The following ITPR1 variants were observed in gnomAD, a reference collection of about 807,000 sequenced individuals.
The protein encoded by ITPR1 is inositol 1,4,5-trisphosphate receptor type 1.
In ITPR1, 96 loss-of-function variants were observed where a neutral mutation model predicts 318.4. That is an observed-to-expected ratio of 0.30 (90% CI 0.26 to 0.36). The LOEUF is 0.36. Among genes scored for constraint, ITPR1 ranks in the 10% least tolerant of loss-of-function variants. The pLI is 1.00. For missense variants in ITPR1, 2,440 were observed against 3,460.2 expected (o/e 0.71, Z 7.40); for synonymous variants, 1,312 against 1,289.9 (o/e 1.02, Z -0.37).
chr3:4,831,464 G>A, intron 60 of ITPR1: 1 of 166,278 alleles, frequency 6.0e-6, no homozygotes, highest in Admixed American at 5.8e-5. Flanking sequence ...AGCAAGGAGT[G>A]AGTGAAGCAA....
chr3:4,563,218 A>G (rs1287766213), intron 4 of ITPR1, among the ~76,000 whole-genome samples: 2 of 152,134 alleles, frequency 1.3e-5, no homozygotes, highest in Non-Finnish European at 2.9e-5. Flanking sequence ...AAGACCATGT[A>G]AAAATTAATT....
At chr3:4,709,555 G>C (rs927359159) in intron 37 of ITPR1, among the ~76,000 whole-genome samples, 2 of 152,196 alleles carry the variant, frequency 1.3e-5, no homozygotes, top group African/African-American at 4.8e-5. Flanking sequence ...CAGGTTCTGA[G>C]TCACCAAACC....
intron 44 of ITPR1, among the ~76,000 whole-genome samples, chr3:4,754,961 C>G (rs951137813): frequency 1.3e-5 from 2 of 152,194 alleles, no homozygotes; most frequent in Non-Finnish European, 2.9e-5. Context: ...ACAAAAGATA[C>G]TGGCCTTTGG....
chr3:4,583,504 C>T (rs969555203), intron 4 of ITPR1, among the ~76,000 whole-genome samples: 3 of 152,096 alleles, frequency 2.0e-5, no homozygotes, highest in Non-Finnish European at 4.4e-5. Context: ...AATGTTTTTC[C>T]GTTTGTAGTT....
intron 40 of ITPR1, among the ~76,000 whole-genome samples, chr3:4,723,869 T>TA (rs1413540316): frequency 6.6e-6 from 1 of 152,162 alleles, no homozygotes; most frequent in Non-Finnish European, 1.5e-5. Context: ...CTGTCTGCTC[T>TA]AAAATGCATG....
Position 4,779,623 on chromosome 3 carries a change from A to G in ITPR1, c.6365A>G (p.Tyr2122Cys), listed in dbSNP as rs770000741. Reference protein sequence around the residue: ...HDSENAERILYNMRPKELVEV... With the variant: ...HDSENAERILCNMRPKELVEV... ...AGTGAAAACGCAGAGAGGATACTTT[A>G]TAACATGAGGCCCAAGGAACTGGTG... The change falls in exon 49 of 62, where the codon TAT becomes TGT. Residue 2122 changes from tyrosine to cysteine, a missense_variant. By Grantham distance (194) the Tyr-to-Cys change is radical. Coordinates refer to ENST00000649015, the MANE Select transcript of ITPR1 (RefSeq NM_001378452.1). The surrounding 1 kb of genome is among the most constrained non-coding windows in gnomAD (Gnocchi z 4.0). The G allele has an allele frequency of 3.1e-6, 5 of 1,611,416 alleles. No homozygotes were observed. Among genetic ancestry groups the G allele is most frequent in the Non-Finnish European group, 4.2e-6 (5 of 1,178,116 alleles).
At chr3:4,524,242 A>G (rs2082789253) in intron 4 of ITPR1, among the ~76,000 whole-genome samples, 1 of 145,656 alleles carries the variant, frequency 6.9e-6, no homozygotes. Flanking sequence ...GAACTTGGGC[A>G]GTGAGTTTTA....
At chr3:4,642,693 C>T (rs749560961) in intron 7 of ITPR1, among the ~76,000 whole-genome samples, 11 of 152,134 alleles carry the variant, frequency 7.2e-5, no homozygotes, top group Admixed American at 7.2e-4. Context: ...GTTGCTGTGT[C>T]GAGAAGCCGG....
chr3:4,759,421 G>A lies in ITPR1; in HGVS notation c.5545-7109G>A, dbSNP rs146877146. On this transcript the variant is annotated intron_variant, in intron 44 of 61. Coordinates refer to ENST00000649015, the MANE Select transcript of ITPR1 (RefSeq NM_001378452.1). The stretch of plus-strand genomic sequence containing the variant: ...TATCAGAAGGTAAGAATGTAAACTC[G>A]GGTTGTAGTTTCAACCAGCCACACC... Among the ~76,000 whole-genome samples the A allele has an allele frequency of 5.5e-3, 845 of 152,272 alleles. 9 individuals are homozygous for A. Among genetic ancestry groups the A allele is most frequent in the African/African-American group, 0.019 (810 of 41,540 alleles).
intron 4 of ITPR1, among the ~76,000 whole-genome samples, chr3:4,550,278 C>T (rs1254455812): frequency 2.0e-5 from 3 of 152,102 alleles, no homozygotes; most frequent in African/African-American, 7.2e-5. Context: ...AGCAAGCTTC[C>T]CCATCTCACA....
At chr3:4,823,870 C>T (rs1409685091) in intron 60 of ITPR1, among the ~76,000 whole-genome samples, 3 of 152,166 alleles carry the variant, frequency 2.0e-5, no homozygotes, top group Admixed American at 6.5e-5. Context: ...ATACCCCATA[C>T]ATTTGTACAA....
At chr3:4,535,482 G>C (rs1415231550) in intron 4 of ITPR1, among the ~76,000 whole-genome samples, 1 of 94,210 alleles carries the variant, frequency 1.1e-5, no homozygotes, top group East Asian at 3.5e-4. Context: ...TTGCTCTGTT[G>C]CCCAGGCTGG....
chr3:4,736,877 G>A (rs1421772826), intron 44 of ITPR1, among the ~76,000 whole-genome samples: 1 of 152,192 alleles, frequency 6.6e-6, no homozygotes, highest in Non-Finnish European at 1.5e-5. Context: ...CTATACCAGG[G>A]GCGATGATGG....
At chr3:4,528,109 A>G (rs79648489) in intron 4 of ITPR1, among the ~76,000 whole-genome samples, 7,437 of 152,152 alleles carry the variant, frequency 0.049, 375 homozygotes, top group East Asian at 0.13. Flanking sequence ...TGCCAGAGCT[A>G]GCATCCAGCC....
chr3:4,611,608 C>T (rs11714914), intron 4 of ITPR1, among the ~76,000 whole-genome samples: 3,209 of 137,686 alleles, frequency 0.023, 109 homozygotes, highest in African/African-American at 0.082. Flanking sequence ...TAGCAGGTGT[C>T]GTGGCATGTG....
intron 60 of ITPR1, among the ~76,000 whole-genome samples, chr3:4,824,148 G>A (rs562917142): frequency 3.8e-4 from 58 of 152,290 alleles, no homozygotes; most frequent in African/African-American, 1.3e-3. Context: ...CCCCCCCATG[G>A]TAGCTAGAGT....
rs1399362299 is a variant in ITPR1, at chr3:4,701,116, A to G, written c.4536+1175A>G. Among the ~76,000 whole-genome samples, 4 of 152,316 alleles carry G rather than the reference A, an allele frequency of 2.6e-5. No homozygotes were observed. In the East Asian group the frequency reaches 5.8e-4, roughly 22 times the overall value. ...GGATGGTTAGCAGGTGGCTACTCTT[A>G]TCCATTTAATCATCTTTTGTACACT... On this transcript the variant is annotated intron_variant, in intron 35 of 61. Coordinates refer to ENST00000649015, the MANE Select transcript of ITPR1 (RefSeq NM_001378452.1).
rs369788084 is a variant in ITPR1, at chr3:4,544,106, A to G, written c.163+23012A>G. Reference sequence around the variant, plus strand: ...GCTCCTAGCAGTCTACTTTTATTTCATTAGTCAAAATTGGGTTTAATGCTT... The same window carrying G: ...GCTCCTAGCAGTCTACTTTTATTTCGTTAGTCAAAATTGGGTTTAATGCTT... On this transcript the variant is annotated intron_variant, in intron 4 of 61. Coordinates refer to ENST00000649015, the MANE Select transcript of ITPR1 (RefSeq NM_001378452.1). Among the ~76,000 whole-genome samples the G allele has an allele frequency of 3.6e-4, 55 of 152,160 alleles. No individual in the cohort carries two copies. In the East Asian group the frequency reaches 9.7e-3, roughly 27 times the overall value.
intron 35 of ITPR1, among the ~76,000 whole-genome samples, chr3:4,700,595 C>T (rs1374743151): frequency 2.6e-5 from 4 of 152,062 alleles, no homozygotes; most frequent in Non-Finnish European, 5.9e-5. Flanking sequence ...TTCATGCAGG[C>T]AGGATGCGAT....
Sources: allele counts gnomAD v4.1 joint callset (sites outside exome capture counted in the v4.1 genomes callset), GRCh38; gene constraint gnomAD v4.1.1; non-coding constraint Gnocchi (gnomAD v3.1); transcripts MANE v1.5; gene names NCBI Gene and HGNC (gene_info 2026-07-23, HGNC 2026-07-21).